CAMK4: variants seen among roughly 807,000 people sequenced by gnomAD.
The protein encoded by CAMK4 is calcium/calmodulin dependent protein kinase IV, also known as calcium/calmodulin-dependent protein kinase type IV.
Under a neutral mutation model 44.9 loss-of-function variants are expected in CAMK4, and 22 were observed. The observed-to-expected ratio is 0.49, with a 90% CI of 0.35 to 0.70. CAMK4 has a LOEUF of 0.70. Ranked by LOEUF, CAMK4 falls within the 30% of genes least tolerant of loss-of-function variation. The pLI is 0.01. For synonymous variants in CAMK4, 218 were observed against 215.4 expected (o/e 1.01, Z -0.11); for missense variants, 498 against 586.8 (o/e 0.85, Z 1.56).
chr5:111,399,784 A>G (rs769164260), intron 5 of CAMK4, among the ~76,000 whole-genome samples: 4 of 152,086 alleles, frequency 2.6e-5, no homozygotes, highest in Non-Finnish European at 5.9e-5. Context: ...TTCAAAACTC[A>G]CCTTCCTCGG....
At chr5:111,237,330 C>G (rs1748775023) in intron 1 of CAMK4, among the ~76,000 whole-genome samples, 1 of 152,200 alleles carries the variant, frequency 6.6e-6, no homozygotes, top group Non-Finnish European at 1.5e-5. Flanking sequence ...AAGATCCCTT[C>G]TAGTCCCAAC....
At chr5:111,300,060 C>T (rs1487747073) in intron 1 of CAMK4, among the ~76,000 whole-genome samples, 1 of 152,160 alleles carries the variant, frequency 6.6e-6, no homozygotes, top group African/African-American at 2.4e-5. Flanking sequence ...CTCTTGCCTT[C>T]TTTGTCACTT....
intron 1 of CAMK4, among the ~76,000 whole-genome samples, chr5:111,236,143 A>T (rs1748707088): frequency 6.6e-6 from 1 of 152,246 alleles, no homozygotes; most frequent in Non-Finnish European, 1.5e-5. Context: ...ACTGAGCTCC[A>T]TACCCAGCAC....
At chr5:111,407,748 A>C (rs773010638) in intron 5 of CAMK4, among the ~76,000 whole-genome samples, 18 of 152,318 alleles carry the variant, frequency 1.2e-4, no homozygotes, top group Non-Finnish European at 2.6e-4. Flanking sequence ...CCTCCCTCAG[A>C]GGACAGTGTT....
chr5:111,456,748 T>C (rs1037822906), intron 7 of CAMK4, among the ~76,000 whole-genome samples: 2 of 152,176 alleles, frequency 1.3e-5, no homozygotes, highest in African/African-American at 4.8e-5. Flanking sequence ...ATTTTGGTAT[T>C]TTTACTAGGT....
In CAMK4 at chr5:111,388,192, GT is replaced by G. The variant is rs3839290; in HGVS notation, c.387-6517del. On this transcript the variant is annotated intron_variant, in intron 4 of 10. Coordinates refer to ENST00000282356, the MANE Select transcript of CAMK4 (RefSeq NM_001744.6). ...TGTGCGGAGTTCACACTGAAATGAG[GT>G]GGGGAGGCACTTGAGTTTTGTGCCC... is the stretch of plus-strand genomic sequence containing the variant. Among the ~76,000 whole-genome samples the G allele has an allele frequency of 7.9e-5, 12 of 152,284 alleles. No homozygotes were observed. In the East Asian group the frequency reaches 2.3e-3, roughly 29 times the overall value.
At chr5:111,360,884 A>C (rs1750564620) in intron 2 of CAMK4, among the ~76,000 whole-genome samples, 1 of 152,094 alleles carries the variant, frequency 6.6e-6, no homozygotes, top group Non-Finnish European at 1.5e-5. Context: ...TTTTTTTATC[A>C]AACCTCAAAT....
intron 5 of CAMK4, among the ~76,000 whole-genome samples, chr5:111,397,972 A>G (rs1752083623): frequency 6.6e-6 from 1 of 152,124 alleles, no homozygotes; most frequent in Admixed American, 6.5e-5. Flanking sequence ...TTGCTTATCT[A>G]TATGCGAGTA....
chr5:111,444,289 C>T (rs540861208), intron 5 of CAMK4, among the ~76,000 whole-genome samples: 60 of 152,270 alleles, frequency 3.9e-4, no homozygotes, highest in Non-Finnish European at 7.3e-4. Flanking sequence ...AAATATTAGA[C>T]GACTTACTGG....
At chr5:111,244,985 A>G (rs1222655558) in intron 1 of CAMK4, among the ~76,000 whole-genome samples, 1 of 152,214 alleles carries the variant, frequency 6.6e-6, no homozygotes, top group Non-Finnish European at 1.5e-5. Flanking sequence ...AGATGGATTG[A>G]TGAATATATT....
At chr5:111,253,340 A>G (rs1425937368) in intron 1 of CAMK4, among the ~76,000 whole-genome samples, 1 of 152,178 alleles carries the variant, frequency 6.6e-6, no homozygotes, top group East Asian at 1.9e-4. Context: ...AGACCTCTCA[A>G]GCCAGCAGCA....
intron 7 of CAMK4, among the ~76,000 whole-genome samples, chr5:111,450,164 A>T (rs1309627023): frequency 6.6e-6 from 1 of 151,872 alleles, no homozygotes; most frequent in African/African-American, 2.4e-5. Flanking sequence ...ACTAAAAAAA[A>T]ATAAATAAAA....
At chr5:111,316,537 A>T (rs1205389636) in intron 1 of CAMK4, among the ~76,000 whole-genome samples, 1 of 152,150 alleles carries the variant, frequency 6.6e-6, no homozygotes, top group Non-Finnish European at 1.5e-5. Flanking sequence ...AGCTCTGAGG[A>T]CTGGCCCCTT....
chr5:111,480,517 T>G (rs116619931), intron 9 of CAMK4, among the ~76,000 whole-genome samples: 2,085 of 152,238 alleles, frequency 0.014, 47 homozygotes, highest in African/African-American at 0.047. Context: ...TACCCAGACC[T>G]TAGAACCACA....
chr5:111,470,234 A>G (rs540975950), intron 7 of CAMK4, among the ~76,000 whole-genome samples: 1 of 152,386 alleles, frequency 6.6e-6, no homozygotes, highest in Admixed American at 6.5e-5. Context: ...CCAGAGAATG[A>G]AAGCTAACCT....
intron 2 of CAMK4, among the ~76,000 whole-genome samples, chr5:111,345,802 A>G (rs1749839576): frequency 6.6e-6 from 1 of 151,958 alleles, no homozygotes; most frequent in South Asian, 2.1e-4. Flanking sequence ...TTCGTTGGGC[A>G]AGTGCCGCTC....
At chr5:111,455,662 C>G (rs1754389178) in intron 7 of CAMK4, among the ~76,000 whole-genome samples, 1 of 152,188 alleles carries the variant, frequency 6.6e-6, no homozygotes, top group Non-Finnish European at 1.5e-5. Context: ...TGGTAGGTCT[C>G]CACAGATATA....
rs1755551566 is a variant in CAMK4 at position 111,484,624 on chromosome 5, T to A, written c.*158T>A. On this transcript the variant is annotated 3_prime_UTR_variant, in exon 11 of 11. Transcript: ENST00000282356. This position sits in a 1 kb window ranked among gnomAD's most constrained non-coding sequence, Gnocchi z 5.3. ...AGTTGGTAATTCTAACTTCAATGCA[T>A]GTGACTGCTTTATGAAAATAATAGT... The A allele has an allele frequency of 2.3e-6, 1 of 433,412 alleles. No homozygotes were observed. Among genetic ancestry groups the A allele is most frequent in the African/African-American group, 2.0e-5 (1 of 49,336 alleles). 26.8% of individuals were successfully genotyped at this position (433,412 alleles called of 1,614,324 possible).
intron 5 of CAMK4, among the ~76,000 whole-genome samples, chr5:111,412,719 T>C (rs1205532174): frequency 4.6e-5 from 7 of 152,144 alleles, no homozygotes; most frequent in Non-Finnish European, 1.0e-4. Flanking sequence ...GAGGACTAGC[T>C]AGAACAGAGA....
Sources: gnomAD v4.1 joint callset for allele counts (sites outside exome capture counted in the v4.1 genomes callset) on GRCh38, gnomAD v4.1.1 for gene constraint, Gnocchi (gnomAD v3.1) non-coding constraint, MANE v1.5 for transcripts, NCBI Gene and HGNC (gene_info 2026-07-23, HGNC 2026-07-21) for gene names.